The following CRYL1 variants were observed in gnomAD, a reference collection of about 807,000 sequenced individuals.
CRYL1 encodes the protein lambda-crystallin homolog.
In CRYL1, 29 loss-of-function variants were observed where a neutral mutation model predicts 36.6. The ratio of observed to expected loss-of-function variants is 0.79; its 90% CI spans 0.59 to 1.08. The LOEUF is 1.08. Ranked by LOEUF, CRYL1 falls within the 50% of genes least tolerant of loss-of-function variation. CRYL1 has a pLI of 0.00. For synonymous variants in CRYL1, 152 were observed against 151.5 expected (o/e 1.00, Z -0.02); for missense variants, 411 against 407.9 (o/e 1.01, Z -0.06).
chr13:20,510,080 C>A (rs893171376), intron 2 of CRYL1, among the ~76,000 whole-genome samples: 4 of 152,186 alleles, frequency 2.6e-5, no homozygotes, highest in African/African-American at 9.7e-5. Context: ...AATAGGACAG[C>A]CATTTTGGAA....
At position 20,432,117 on chromosome 13, in the gene CRYL1, G is replaced by A. The variant is rs2032076703; in HGVS notation, c.618C>T (p.Ala206=). 1 of 1,613,990 alleles carries A rather than the reference G, an allele frequency of 6.2e-7. No individual in the cohort carries two copies. Among genetic ancestry groups the A allele is most frequent in the Non-Finnish European group, 8.5e-7 (1 of 1,180,004 alleles). Residue 206 remains alanine (A), a synonymous_variant, in exon 5 of 8, where the codon GCC becomes GCT. Coordinates refer to ENST00000298248, the MANE Select transcript of CRYL1 (RefSeq NM_015974.3). ...NRLQYAIISE[A]WRLVEEGIVS... is the part of the protein sequence containing the mutation. ...GCACACACACCTCCACTAGCCGCCA[G>A]GCCTCGCTGATGATTGCATATTGCA... is the stretch of plus-strand genomic sequence containing the variant.
At chr13:20,463,538 C>A (rs945200715) in intron 3 of CRYL1, among the ~76,000 whole-genome samples, 2 of 152,144 alleles carry the variant, frequency 1.3e-5, no homozygotes, top group Non-Finnish European at 2.9e-5. Context: ...ATTTTATCAC[C>A]CCCTTTCTGA....
At chr13:20,413,913 A>C (rs1010935907) in intron 5 of CRYL1, among the ~76,000 whole-genome samples, 3 of 152,098 alleles carry the variant, frequency 2.0e-5, no homozygotes, top group African/African-American at 7.2e-5. Context: ...GGTGGCTCAC[A>C]CCTGTAATCC....
chr13:20,473,958 T>C (rs184601583), intron 3 of CRYL1, among the ~76,000 whole-genome samples: 74 of 152,278 alleles, frequency 4.9e-4, no homozygotes, highest in African/African-American at 1.7e-3. Context: ...GGTAATTTCA[T>C]TGAGGGTCAC....
chr13:20,407,142 G>T (rs2031398270), intron 6 of CRYL1, among the ~76,000 whole-genome samples: 1 of 150,966 alleles, frequency 6.6e-6, no homozygotes, highest in Non-Finnish European at 1.5e-5. Flanking sequence ...TCATAATAGT[G>T]CAATTCATAA....
chr13:20,432,082 G>A lies in CRYL1; in HGVS notation c.633+20C>T, dbSNP rs2032074458. On this transcript the variant is annotated intron_variant, in intron 5 of 7. Coordinates refer to ENST00000298248, the MANE Select transcript of CRYL1 (RefSeq NM_015974.3). ...AGGGAGAAAGGAAGGGAGGGAGGGA[G>A]AGAGGACGGGCACACACACCTCCAC... 1.2e-6 allele frequency: 2 copies of A among 1,614,074 alleles called. No homozygotes were observed. The highest frequency in any genetic ancestry group is 1.7e-6 in the Non-Finnish European group (2 of 1,180,002).
Position 20,413,258 on chromosome 13 carries a change from C to A in CRYL1, c.739+24G>T. 2.0e-6 allele frequency: 3 copies of A among 1,481,894 alleles called. No homozygotes were observed. The Admixed American group carries it at 5.4e-5, about 27-fold the overall frequency. The allele number at this position is 1,481,894 out of a possible 1,614,324, so 91.8% of individuals were successfully genotyped here. ...TGACAACACTAAATAGAATGGAATT[C>A]CCATCCTGGCCCCAGATGCATACCT... On this transcript the variant is annotated intron_variant, in intron 6 of 7. Transcript: ENST00000298248.
intron 3 of CRYL1, among the ~76,000 whole-genome samples, chr13:20,467,790 A>C (rs2032972120): frequency 6.6e-6 from 1 of 152,130 alleles, no homozygotes; most frequent in Non-Finnish European, 1.5e-5. Flanking sequence ...TGGAAAGATA[A>C]ACATGAATAC....
chr13:20,430,645 C>T lies in CRYL1; in HGVS notation c.633+1457G>A. ...CTTTGTGTACACCTCCCACCCGATC[C>T]CCTTACACCAGAATCCCAAACCCTT... is the stretch of plus-strand genomic sequence containing the variant. On this transcript the variant is annotated intron_variant, in intron 5 of 7. Transcript: ENST00000298248. 4 of 985,348 alleles carry T rather than the reference C, an allele frequency of 4.1e-6. No individual in the cohort carries two copies. In the South Asian group the frequency reaches 1.4e-4, roughly 35 times the overall value. The allele number at this position is 985,348 out of a possible 1,614,324, so 61.0% of individuals were successfully genotyped here. A position where few individuals can be genotyped will look rare whatever the true frequency, so the allele number is the denominator to read the frequency against.
At chr13:20,431,863 T>C (rs1318772081) in intron 5 of CRYL1, 1 of 1,459,388 alleles carries the variant, frequency 6.9e-7, no homozygotes, top group South Asian at 1.3e-5. Flanking sequence ...CATCGTGTCC[T>C]GGTATCAGGT....
chr13:20,412,525 A>G (rs1458704824), intron 6 of CRYL1, among the ~76,000 whole-genome samples: 1 of 152,166 alleles, frequency 6.6e-6, no homozygotes, highest in Non-Finnish European at 1.5e-5. Context: ...TCTAGGTTAC[A>G]TCTCTCTCCA....
chr13:20,460,411 T>C (rs772235078), intron 3 of CRYL1, among the ~76,000 whole-genome samples: 30 of 151,934 alleles, frequency 2.0e-4, no homozygotes, highest in Non-Finnish European at 2.5e-4. Context: ...CAATTTACAC[T>C]TGCAGGACAA....
intron 1 of CRYL1, among the ~76,000 whole-genome samples, chr13:20,518,396 C>A (rs879603753): frequency 6.6e-6 from 1 of 152,034 alleles, no homozygotes; most frequent in Non-Finnish European, 1.5e-5. Flanking sequence ...TGTATTTCTG[C>A]GACAAGTGTT....
intron 1 of CRYL1, among the ~76,000 whole-genome samples, chr13:20,514,745 TA>T (rs1178940798): frequency 6.6e-6 from 1 of 152,206 alleles, no homozygotes; most frequent in Non-Finnish European, 1.5e-5. Flanking sequence ...ATGTTAATAA[TA>T]GGGGAAATTT....
chr13:20,479,987 G>A (rs1195420105), intron 3 of CRYL1, among the ~76,000 whole-genome samples: 3 of 152,148 alleles, frequency 2.0e-5, no homozygotes, highest in Non-Finnish European at 4.4e-5. Context: ...AACACACCAG[G>A]TGACCTCCCC....
chr13:20,489,086 C>T (rs572619756), intron 3 of CRYL1, among the ~76,000 whole-genome samples: 4 of 152,166 alleles, frequency 2.6e-5, no homozygotes, highest in Non-Finnish European at 4.4e-5. Flanking sequence ...TTTGCTAAAA[C>T]TGTTAATGCC....
chr13:20,477,683 T>A (rs2033191848), intron 3 of CRYL1, among the ~76,000 whole-genome samples: 1 of 146,368 alleles, frequency 6.8e-6, no homozygotes, highest in Non-Finnish European at 1.5e-5. Context: ...TAAAAATATT[T>A]TTAAAAATAT....
In CRYL1 at chr13:20,467,043, G is replaced by A. The variant is rs61073672; in HGVS notation, c.276+22327C>T. ...GCTCACTGGAAGCTCTGCCTCCCGC[G>A]TTCACACCATTCTCCTGCCTCAGCC... On this transcript the variant is annotated intron_variant, in intron 3 of 7. Coordinates refer to ENST00000298248, the MANE Select transcript of CRYL1 (RefSeq NM_015974.3). Among the ~76,000 whole-genome samples, 328 of 151,438 alleles carry A rather than the reference G, an allele frequency of 2.2e-3. 1 individual carries two copies. The highest frequency in any genetic ancestry group is 7.4e-3 in the African/African-American group (305 of 41,246).
At chr13:20,440,427 C>T (rs1208190736) in intron 3 of CRYL1, among the ~76,000 whole-genome samples, 3 of 152,258 alleles carry the variant, frequency 2.0e-5, no homozygotes, top group East Asian at 3.9e-4. Context: ...CTGGAAAATA[C>T]GATAAATCTT....
Sources: gnomAD v4.1 joint callset for allele counts (sites outside exome capture counted in the v4.1 genomes callset) on GRCh38, gnomAD v4.1.1 for gene constraint, MANE v1.5 for transcripts, NCBI Gene and HGNC (gene_info 2026-07-23, HGNC 2026-07-21) for gene names.